Variants in ZNF761 observed in about 807,000 individuals in gnomAD.
ZNF761 encodes zinc finger protein 761.
In ZNF761, 43 loss-of-function variants were observed where a neutral mutation model predicts 59.9. The ratio of observed to expected loss-of-function variants is 0.72; its 90% CI spans 0.56 to 0.92. The LOEUF (loss-of-function observed/expected upper bound fraction) is 0.92, where lower values mean the gene tolerates loss of function less well. Ranked by LOEUF, ZNF761 falls within the 40% of genes least tolerant of loss-of-function variation. The pLI is 0.00. For synonymous variants in ZNF761, 294 were observed against 304.8 expected, an observed-to-expected ratio of 0.96 and a Z score of 0.37; for missense variants, 850 against 906.1, an observed-to-expected ratio of 0.94 and a Z score of 0.79.
intron 1 of ZNF761, among the ~76,000 whole-genome samples, chr19:53,432,329 T>C (rs1374603108): frequency 3.9e-5 from 6 of 152,192 alleles, no homozygotes. Context: ...AGTCCTCACC[T>C]GAGAGGTGGA....
intron 4 of ZNF761, among the ~76,000 whole-genome samples, chr19:53,454,056 C>T (rs1434384987): frequency 2.0e-5 from 3 of 152,036 alleles, no homozygotes; most frequent in Non-Finnish European, 4.4e-5. Context: ...TCACTGCAAC[C>T]TCTGCCCCTT....
At chr19:53,440,885 AG>A in intron 1 of ZNF761, among the ~76,000 whole-genome samples, 1 of 152,278 alleles carries the variant, frequency 6.6e-6, no homozygotes, top group East Asian at 1.9e-4. Context: ...TACGTTTCCC[AG>A]GCTGGTCTCA....
At chr19:53,442,906 A>G (rs2708752) in intron 1 of ZNF761, 13 of 385,280 alleles carry the variant, frequency 3.4e-5, no homozygotes, top group Middle Eastern at 8.6e-4. Flanking sequence ...ATCACTTCTG[A>G]AAGATGCCTT....
At chr19:53,448,479 G>C (rs1361853677) in intron 3 of ZNF761, among the ~76,000 whole-genome samples, 1 of 152,198 alleles carries the variant, frequency 6.6e-6, no homozygotes, top group African/African-American at 2.4e-5. Flanking sequence ...ACTACTGTCA[G>C]TTCTGTGCCA....
chr19:53,439,563 A>G (rs1398916045), intron 1 of ZNF761, among the ~76,000 whole-genome samples: 2 of 152,158 alleles, frequency 1.3e-5, no homozygotes, highest in African/African-American at 2.4e-5. Flanking sequence ...TGCCAGACAG[A>G]TAACAAAAGA....
At chr19:53,442,134 C>G (rs1015522251) in intron 1 of ZNF761, 105 of 1,077,366 alleles carry the variant, frequency 9.7e-5, no homozygotes, top group Non-Finnish European at 1.3e-4. Flanking sequence ...GAGAGAGATA[C>G]AAAGGTTATT....
At chr19:53,433,193 T>C (rs1216406903) in intron 1 of ZNF761, among the ~76,000 whole-genome samples, 1 of 152,080 alleles carries the variant, frequency 6.6e-6, no homozygotes, top group African/African-American at 2.4e-5. Context: ...TGGATTTACA[T>C]CTAAAAAGCT....
chr19:53,444,614 G>C (rs201294092), intron 1 of ZNF761: 1 of 152,236 alleles, frequency 6.6e-6, no homozygotes, highest in Non-Finnish European at 1.5e-5. Context: ...GACCAGTGCC[G>C]ATGCGGGTCC....
intron 1 of ZNF761, among the ~76,000 whole-genome samples, chr19:53,435,820 G>T (rs2086036241): frequency 6.6e-6 from 1 of 152,090 alleles, no homozygotes; most frequent in African/African-American, 2.4e-5. Flanking sequence ...TTGCCTGGCA[G>T]AGGAGGTTGA....
chr19:53,453,205 T>C (rs2147141456), intron 4 of ZNF761, among the ~76,000 whole-genome samples: 1 of 152,256 alleles, frequency 6.6e-6, no homozygotes, highest in East Asian at 1.9e-4. Context: ...GATTTCACCA[T>C]GTTGGCCAAG....
At chr19:53,442,296 C>G in intron 1 of ZNF761, 1 of 1,311,290 alleles carries the variant, frequency 7.6e-7, no homozygotes, top group Non-Finnish European at 1.1e-6. Flanking sequence ...CACAGAGGAA[C>G]GAGCTGAGCT....
chr19:53,442,539 A>G (rs1319967526), intron 1 of ZNF761: 1 of 699,346 alleles, frequency 1.4e-6, no homozygotes, highest in East Asian at 2.5e-5. Flanking sequence ...ACTGAAATGC[A>G]CCAAAGAGGA....
chr19:53,454,780 TA>T lies in ZNF761; in HGVS notation c.276del (p.Asp93IlefsTer21). 3 of 1,614,130 alleles carry T rather than the reference TA, an allele frequency of 1.9e-6. No individual in the cohort carries two copies. Among genetic ancestry groups the T allele is most frequent in the Non-Finnish European group, 2.5e-6 (3 of 1,180,032 alleles). ...NGDFCYQDVD[K>X]DIHDYEFQWQ... Reference sequence around the variant, plus strand: ...GAGATTTTTGCTACCAGGATGTTGATAAAGATATTCATGACTATGAATTTCA... The same window carrying T: ...GAGATTTTTGCTACCAGGATGTTGATAAGATATTCATGACTATGAATTTCA... On this transcript the variant is annotated frameshift_variant, in exon 5 of 5. Coordinates refer to ENST00000684525, the MANE Select transcript of ZNF761 (RefSeq NM_001289951.2). LOFTEE classifies it high-confidence loss of function.
chr19:53,442,163 G>C (rs918216309), intron 1 of ZNF761: 2 of 1,125,102 alleles, frequency 1.8e-6, no homozygotes, highest in African/African-American at 3.0e-5. Flanking sequence ...GGCCTTAAAA[G>C]ATGAAGAAGA....
At chr19:53,434,078 C>G (rs184904710) in intron 1 of ZNF761, among the ~76,000 whole-genome samples, 20 of 152,208 alleles carry the variant, frequency 1.3e-4, no homozygotes, top group African/African-American at 4.8e-4. Flanking sequence ...GCCAGTAAGT[C>G]TAATGCATTT....
intron 3 of ZNF761, among the ~76,000 whole-genome samples, chr19:53,448,891 G>A (rs2086188713): frequency 1.3e-5 from 2 of 151,648 alleles, no homozygotes; most frequent in Admixed American, 1.3e-4. Context: ...TCCTGCATCA[G>A]CCTCCCATGT....
chr19:53,452,534 G>A (rs1051294487), intron 4 of ZNF761, among the ~76,000 whole-genome samples: 4 of 151,996 alleles, frequency 2.6e-5, no homozygotes, highest in Admixed American at 2.6e-4. Flanking sequence ...ACTCCAATGT[G>A]GGTGACAGAG....
intron 1 of ZNF761, among the ~76,000 whole-genome samples, chr19:53,435,670 G>A (rs569543470): frequency 1.6e-4 from 24 of 152,066 alleles, no homozygotes; most frequent in African/African-American, 5.8e-4. Context: ...TAGAGTCTTA[G>A]TTATCCTGTT....
intron 4 of ZNF761, among the ~76,000 whole-genome samples, chr19:53,450,545 CT>C (rs1317760752): frequency 2.0e-5 from 3 of 152,056 alleles, no homozygotes; most frequent in African/African-American, 7.2e-5. Flanking sequence ...TCATTTACTA[CT>C]TTTTGTGTTT....
Sources: gnomAD v4.1 joint callset for allele counts (sites outside exome capture counted in the v4.1 genomes callset) on GRCh38, gnomAD v4.1.1 for gene constraint, MANE v1.5 for transcripts, NCBI Gene and HGNC (gene_info 2026-07-23, HGNC 2026-07-21) for gene names.